The following SRSF10 variants were observed in gnomAD, a reference collection of about 807,000 sequenced individuals.
SRSF10 encodes serine and arginine rich splicing factor 10, also known as serine/arginine-rich splicing factor 10.
In SRSF10, 9 loss-of-function variants were observed where a neutral mutation model predicts 32.6. The ratio of observed to expected loss-of-function variants is 0.28; its 90% CI spans 0.17 to 0.48. The LOEUF (loss-of-function observed/expected upper bound fraction) is 0.48. Among genes scored for constraint, SRSF10 ranks in the 20% least tolerant of loss-of-function variants. The probability of loss-of-function intolerance (pLI) is 0.99; values close to 1 mark genes in which losing one functional copy is unlikely to be tolerated. For missense variants in SRSF10, 201 were observed against 331.8 expected (o/e 0.61, Z 3.06); for synonymous variants, 105 against 112.4 (o/e 0.93, Z 0.42).
intron 3 of SRSF10, among the ~76,000 whole-genome samples, chr1:23,972,333 T>C (rs1641808994): frequency 1.3e-5 from 2 of 152,026 alleles, no homozygotes; most frequent in East Asian, 3.9e-4. Context: ...AGCTCATGAG[T>C]TGGTGGCTGC....
At chr1:23,972,317 C>T (rs1382033370) in intron 3 of SRSF10, among the ~76,000 whole-genome samples, 1 of 151,986 alleles carries the variant, frequency 6.6e-6, no homozygotes, top group African/African-American at 2.4e-5. Context: ...GGGGGGAAAT[C>T]ACTTGAGCTC....
In SRSF10 at chr1:23,970,095, G is replaced by A. The variant is rs1641654149; in HGVS notation, c.*1047C>T. 4 of 985,240 alleles carry A rather than the reference G, an allele frequency of 4.1e-6. No individual in the cohort carries two copies. The highest frequency in any genetic ancestry group is 4.8e-6 in the Non-Finnish European group (4 of 829,872). 61.0% of individuals were successfully genotyped at this position (985,240 alleles called of 1,614,324 possible). On this transcript the variant is annotated 3_prime_UTR_variant, in exon 6 of 6. Transcript: ENST00000492112. ...ACTAAGCAATATTATGGTCAACAAC[G>A]CTCCTTAAACTTTAGAATAACTACA... is the stretch of plus-strand genomic sequence containing the variant.
Position 23,969,474 on chromosome 1 carries a change from T to C in SRSF10, c.*1668A>G. On this transcript the variant is annotated 3_prime_UTR_variant, in exon 6 of 6. Transcript: ENST00000492112. ...TATACAAAGGTTCTAGAATCAATCC[T>C]TTAAACACATTCCACAAACAGTATT... 1 of 985,498 alleles carries C rather than the reference T, an allele frequency of 1.0e-6. No individual in the cohort carries two copies. 61.0% of individuals were successfully genotyped at this position (985,498 alleles called of 1,614,324 possible).
In SRSF10 at chr1:23,969,537, G is replaced by A; in HGVS notation, c.*1605C>T. 4.1e-6 allele frequency: 4 copies of A among 985,320 alleles called. No homozygotes were observed. Among genetic ancestry groups the A allele is most frequent in the Non-Finnish European group, 4.8e-6 (4 of 829,848 alleles). The allele number at this position is 985,320 out of a possible 1,614,324, so 61.0% of individuals were successfully genotyped here. Reference sequence around the variant, plus strand: ...TTGTATTCTTTACAGGCAAAGCCTAGATTACTAAAACCGAAATTGAAAAAA... The same window carrying A: ...TTGTATTCTTTACAGGCAAAGCCTAAATTACTAAAACCGAAATTGAAAAAA... On this transcript the variant is annotated 3_prime_UTR_variant, in exon 6 of 6. Transcript: ENST00000492112.
chr1:23,964,455 A>T lies in SRSF10; in HGVS notation c.*6687T>A, dbSNP rs1641359725. ...AAATAGCTGGTACAGAGAACTTACC[A>T]TGTAAGGCTGCTGAAGTCAGCCATA... On this transcript the variant is annotated 3_prime_UTR_variant, in exon 6 of 6. Transcript: ENST00000492112. 6.6e-6 allele frequency among the ~76,000 whole-genome samples: 1 copy of T among 152,026 alleles called. No individual in the cohort carries two copies.
At position 23,966,199 on chromosome 1, in the gene SRSF10, A is replaced by C. The variant is rs1306843138; in HGVS notation, c.*4943T>G. 1 of 151,918 alleles carries C rather than the reference A, an allele frequency of 6.6e-6. No individual in the cohort carries two copies. The highest frequency in any genetic ancestry group is 1.5e-5 in the Non-Finnish European group (1 of 67,822). 9.4% of individuals were successfully genotyped at this position (151,918 alleles called of 1,614,324 possible). ...GTGTGATCTTGGGCAAGTTCAAACAAAATTTCTAAAATAAAATACAAACAA... is the reference window on the plus strand; with the variant it reads ...GTGTGATCTTGGGCAAGTTCAAACACAATTTCTAAAATAAAATACAAACAA... On this transcript the variant is annotated 3_prime_UTR_variant, in exon 6 of 6. Transcript: ENST00000492112.
intron 3 of SRSF10, among the ~76,000 whole-genome samples, chr1:23,973,852 T>C (rs1641917489): frequency 6.6e-6 from 1 of 152,172 alleles, no homozygotes; most frequent in Admixed American, 6.5e-5. Context: ...TCTCATTCAA[T>C]TCAATGAAGC....
rs1641743244 is a variant in SRSF10 at position 23,971,370 on chromosome 1, G to A, written c.561C>T (p.Pro187=). 2 of 1,612,354 alleles carry A rather than the reference G, an allele frequency of 1.2e-6. No individual in the cohort carries two copies. Among genetic ancestry groups the A allele is most frequent in the Non-Finnish European group, 1.7e-6 (2 of 1,179,912 alleles). Residue 187 remains proline (P), a synonymous_variant, in exon 6 of 6, where the codon CCC becomes CCT. Transcript: ENST00000492112. The part of the protein sequence containing the change: ...SNSRSRSKSQ[P]KKEMKAKSRS... The stretch of plus-strand genomic sequence containing the variant: ...GTGATTTAGCCTTCATTTCTTTCTT[G>A]GGCTGGGACTTGGACCGTGATCTTG...
rs1642382696 is a variant in SRSF10 at position 23,980,273 on chromosome 1, G to T, written c.-18C>A. Reference sequence around the variant, plus strand: ...CGGGACATGGCGGCGGCGTGTCTCGGCCGGGCGCACTAACGGGCTCAGCAA... The same window carrying T: ...CGGGACATGGCGGCGGCGTGTCTCGTCCGGGCGCACTAACGGGCTCAGCAA... On this transcript the variant is annotated 5_prime_UTR_variant, in exon 1 of 6. Coordinates refer to ENST00000492112, the MANE Select transcript of SRSF10 (RefSeq NM_054016.4). 4.1e-6 allele frequency: 6 copies of T among 1,475,494 alleles called. No homozygotes were observed. Among genetic ancestry groups the T allele is most frequent in the Non-Finnish European group, 1.8e-6 (2 of 1,108,542 alleles). The allele number at this position is 1,475,494 out of a possible 1,614,324, so 91.4% of individuals were successfully genotyped here.
chr1:23,975,233 AT>A, intron 2 of SRSF10, 156 bp from the exon 3 acceptor site: 1 of 638,354 alleles, frequency 1.6e-6, no homozygotes. Context: ...GGATTCAGTC[AT>A]TAACACTTCA....
rs1313315872 is a variant in SRSF10 at position 23,967,900 on chromosome 1, A to T, written c.*3242T>A. On this transcript the variant is annotated 3_prime_UTR_variant, in exon 6 of 6. Coordinates refer to ENST00000492112, the MANE Select transcript of SRSF10 (RefSeq NM_054016.4). Reference sequence around the variant, plus strand: ...TAACTTAACAGCTCATACTCTATGTAGCACCTTTCCTCTCTCACTGAAGCA... The same window carrying T: ...TAACTTAACAGCTCATACTCTATGTTGCACCTTTCCTCTCTCACTGAAGCA... 4 of 1,549,250 alleles carry T rather than the reference A, an allele frequency of 2.6e-6. No homozygotes were observed. Among genetic ancestry groups the T allele is most frequent in the Non-Finnish European group, 3.5e-6 (4 of 1,146,624 alleles).
rs1641523034 is a variant in SRSF10, at chr1:23,967,798, G to A, written c.*3344C>T. Reference sequence around the variant, plus strand: ...TGTGGTATACAGGATTTTGTTAGTTGAACTGGATGTAGCAGCTTACTGGGC... The same window carrying A: ...TGTGGTATACAGGATTTTGTTAGTTAAACTGGATGTAGCAGCTTACTGGGC... On this transcript the variant is annotated 3_prime_UTR_variant, in exon 6 of 6. Transcript: ENST00000492112. 6.3e-7 allele frequency: 1 copy of A among 1,591,188 alleles called. No individual in the cohort carries two copies. Among genetic ancestry groups the A allele is most frequent in the Non-Finnish European group, 8.6e-7 (1 of 1,166,720 alleles).
intron 3 of SRSF10, among the ~76,000 whole-genome samples, chr1:23,973,379 G>A (rs919663002): frequency 6.6e-6 from 1 of 152,198 alleles, no homozygotes; most frequent in African/African-American, 2.4e-5. Flanking sequence ...ACCCAGGCTG[G>A]AGTGCACTTG....
chr1:23,969,907 C>T lies in SRSF10; in HGVS notation c.*1235G>A, dbSNP rs1185975330. ...TACAACTTGCCTCGTATTAAATAAA[C>T]TGAGGTGTGAAAAGCAGGCCTCCCT... On this transcript the variant is annotated 3_prime_UTR_variant, in exon 6 of 6. Transcript: ENST00000492112. 1.0e-6 allele frequency: 1 copy of T among 985,194 alleles called. No individual in the cohort carries two copies. Among genetic ancestry groups the T allele is most frequent in the African/African-American group, 1.7e-5 (1 of 57,200 alleles). The allele number at this position is 985,194 out of a possible 1,614,324, so 61.0% of individuals were successfully genotyped here.
Position 23,968,076 on chromosome 1 carries a change from G to A in SRSF10, c.*3066C>T. The A allele has an allele frequency of 6.7e-7, 1 of 1,482,624 alleles. No homozygotes were observed. The highest frequency in any genetic ancestry group is 2.5e-5 in the East Asian group (1 of 40,614). 91.8% of individuals were successfully genotyped at this position (1,482,624 alleles called of 1,614,324 possible). A position where few individuals can be genotyped will look rare whatever the true frequency, so the allele number is the denominator to read the frequency against. ...TTATCATTGAGCCCAGTCATACACA[G>A]TAGGTAAACTCAGTAAGTGGGGGAC... is the stretch of plus-strand genomic sequence containing the variant. On this transcript the variant is annotated 3_prime_UTR_variant, in exon 6 of 6. Transcript: ENST00000492112.
In SRSF10 at chr1:23,968,730, T is replaced by G. The variant is rs1324296419; in HGVS notation, c.*2412A>C. Among the ~76,000 whole-genome samples the G allele has an allele frequency of 6.6e-6, 1 of 152,168 alleles. No individual in the cohort carries two copies. Among genetic ancestry groups the G allele is most frequent in the East Asian group, 1.9e-4 (1 of 5,198 alleles). On this transcript the variant is annotated 3_prime_UTR_variant, in exon 6 of 6. Coordinates refer to ENST00000492112, the MANE Select transcript of SRSF10 (RefSeq NM_054016.4). ...TCATGTCATAAACGTTAAGCCCTAA[T>G]GCGTCTTGTTTATAAGAGGGAGAGC...
intron 5 of SRSF10, 50 bp from the exon 6 acceptor site, chr1:23,971,489 T>C (rs1641749451): frequency 6.3e-7 from 1 of 1,585,580 alleles, no homozygotes; most frequent in Non-Finnish European, 8.6e-7. Context: ...AGATTCTATA[T>C]TAATCAAATT....
intron 2 of SRSF10, chr1:23,975,452 A>G (rs1642029987): frequency 5.9e-6 from 1 of 170,844 alleles, no homozygotes; most frequent in Non-Finnish European, 1.2e-5. Flanking sequence ...TAAAATAAAA[A>G]TTTCTTAAAA....
rs1389782343 is a variant in SRSF10 at position 23,967,549 on chromosome 1, ATTCTT to A, written c.*3588_*3592del. On this transcript the variant is annotated 3_prime_UTR_variant, in exon 6 of 6. Transcript: ENST00000492112. ...ATTATTCCATGTAGTTTTCGATAACATTCTTTTATCTTTTCAGACCAGAGTCAAAA... is the reference window on the plus strand; with the variant it reads ...ATTATTCCATGTAGTTTTCGATAACATTATCTTTTCAGACCAGAGTCAAAA... The A allele has an allele frequency of 1.1e-5, 7 of 618,304 alleles. No individual in the cohort carries two copies. Among genetic ancestry groups the A allele is most frequent in the Admixed American group, 2.6e-5 (1 of 38,514 alleles). The allele number at this position is 618,304 out of a possible 1,614,324, so 38.3% of individuals were successfully genotyped here. A position where few individuals can be genotyped will look rare whatever the true frequency, so the allele number is the denominator to read the frequency against.
Sources: gnomAD v4.1 joint callset for allele counts (sites outside exome capture counted in the v4.1 genomes callset) on GRCh38, gnomAD v4.1.1 for gene constraint, MANE v1.5 for transcripts, NCBI Gene and HGNC (gene_info 2026-07-23, HGNC 2026-07-21) for gene names.